Variants in KIAA1328 observed in about 807,000 individuals in gnomAD.
KIAA1328 encodes KIAA1328.
KIAA1328 carries 52 observed loss-of-function variants against 68.1 expected under a neutral mutation model. The ratio of observed to expected loss-of-function variants is 0.76; its 90% CI spans 0.61 to 0.96. The LOEUF (loss-of-function observed/expected upper bound fraction) is 0.96, where lower values mean the gene tolerates loss of function less well. Ranked by LOEUF, KIAA1328 falls within the 40% of genes least tolerant of loss-of-function variation. The pLI is 0.00. For missense variants in KIAA1328, 641 were observed against 677.6 expected (o/e 0.95, Z 0.60); for synonymous variants, 232 against 239.4 (o/e 0.97, Z 0.28).
intron 6 of KIAA1328, among the ~76,000 whole-genome samples, chr18:36,975,318 G>T (rs908351589): frequency 4.6e-5 from 7 of 151,004 alleles, no homozygotes; most frequent in African/African-American, 1.7e-4. Context: ...AAGTAGCTGG[G>T]ACTACAGGCG....
At chr18:37,189,575 T>C (rs16968622) in intron 9 of KIAA1328, among the ~76,000 whole-genome samples, 3,580 of 152,304 alleles carry the variant, frequency 0.024, 124 homozygotes, top group African/African-American at 0.08. Flanking sequence ...TATTACAAAC[T>C]ATTTCAAGTT....
intron 4 of KIAA1328, 140 bp from the exon 5 acceptor site, chr18:36,885,417 A>T: frequency 2.1e-6 from 1 of 470,700 alleles, no homozygotes; most frequent in South Asian, 5.9e-5. Flanking sequence ...TTTTTTAAAA[A>T]GCAACAACAA....
At chr18:37,039,331 G>T (rs2055151381) in intron 6 of KIAA1328, among the ~76,000 whole-genome samples, 1 of 151,574 alleles carries the variant, frequency 6.6e-6, no homozygotes, top group African/African-American at 2.4e-5. Context: ...GACATCTAGG[G>T]CTGAGTTTTT....
At chr18:36,950,088 A>G (rs1379356118) in intron 5 of KIAA1328, among the ~76,000 whole-genome samples, 1 of 152,138 alleles carries the variant, frequency 6.6e-6, no homozygotes, top group Non-Finnish European at 1.5e-5. Flanking sequence ...AGTTGCATAT[A>G]TTATCAATGA....
intron 6 of KIAA1328, among the ~76,000 whole-genome samples, chr18:36,961,658 T>C (rs1180705152): frequency 1.3e-5 from 2 of 152,164 alleles, no homozygotes; most frequent in Admixed American, 1.3e-4. Flanking sequence ...TGGGGGCCAA[T>C]CTTCAACATT....
In KIAA1328 at chr18:36,910,888, C is replaced by G. The variant is rs112529487; in HGVS notation, c.448+25216C>G. Among the ~76,000 whole-genome samples, 2 of 151,946 alleles carry G rather than the reference C, an allele frequency of 1.3e-5. 1 individual carries two copies. Among genetic ancestry groups the G allele is most frequent in the Non-Finnish European group, 2.9e-5 (2 of 67,982 alleles). On this transcript the variant is annotated intron_variant, in intron 5 of 9. Transcript: ENST00000280020. ...GCTTGCCCTCTTGCTTTTCTGTCAT[C>G]GTCATGAGAAATATACTCAGGAAAA...
chr18:37,129,128 A>T (rs1482132398), intron 7 of KIAA1328, among the ~76,000 whole-genome samples: 1 of 152,186 alleles, frequency 6.6e-6, no homozygotes, highest in Non-Finnish European at 1.5e-5. Context: ...TGAACTTTGT[A>T]TTTTAAAAGG....
chr18:36,835,194 A>G (rs761701673), intron 2 of KIAA1328, 40 bp from the exon 3 acceptor site: 15 of 1,586,178 alleles, frequency 9.5e-6, no homozygotes, highest in Non-Finnish European at 8.6e-7. Flanking sequence ...TTAAGATAAT[A>G]AGGTATAATT....
chr18:37,024,996 A>T (rs1419021502), intron 6 of KIAA1328, among the ~76,000 whole-genome samples: 1 of 152,144 alleles, frequency 6.6e-6, no homozygotes. Context: ...TCCCAGCAAC[A>T]GTGTAAAAGT....
chr18:36,947,135 G>C (rs536019166), intron 5 of KIAA1328, among the ~76,000 whole-genome samples: 27 of 152,268 alleles, frequency 1.8e-4, no homozygotes, highest in Admixed American at 1.1e-3. Flanking sequence ...CTGCACTCCA[G>C]CCTGGGCGAC....
At chr18:36,865,282 A>AT (rs376678423) in intron 4 of KIAA1328, among the ~76,000 whole-genome samples, 4 of 151,660 alleles carry the variant, frequency 2.6e-5, no homozygotes, top group African/African-American at 7.3e-5. Flanking sequence ...AATTCTATGT[A>AT]TTTTTTTATT....
At chr18:36,936,626 AC>A (rs1301272953) in intron 5 of KIAA1328, among the ~76,000 whole-genome samples, 1 of 152,196 alleles carries the variant, frequency 6.6e-6, no homozygotes, top group Admixed American at 6.5e-5. Flanking sequence ...TTGGATATAT[AC>A]CCAGTAATGG....
At chr18:37,229,683 G>T, downstream of KIAA1328, 1 of 480,390 alleles carries the variant, frequency 2.1e-6, no homozygotes, top group South Asian at 1.9e-5. Flanking sequence ...GACCATCCTG[G>T]CTAACACGGT....
At chr18:37,165,782 A>G (rs1599483608) in intron 8 of KIAA1328, among the ~76,000 whole-genome samples, 1 of 151,646 alleles carries the variant, frequency 6.6e-6, no homozygotes, top group Admixed American at 6.6e-5. Context: ...TAGTAGCAAC[A>G]GGGTTTCACC....
intron 5 of KIAA1328, among the ~76,000 whole-genome samples, chr18:36,891,870 AC>A (rs1294810558): frequency 3.9e-5 from 6 of 152,208 alleles, no homozygotes; most frequent in Non-Finnish European, 8.8e-5. Flanking sequence ...TAGTAATATT[AC>A]ATTAGTAAAT....
chr18:36,970,567 C>G (rs966141805), intron 6 of KIAA1328, among the ~76,000 whole-genome samples: 5 of 152,090 alleles, frequency 3.3e-5, no homozygotes, highest in Admixed American at 6.6e-5. Flanking sequence ...ATTGTCTGAG[C>G]CTAAAATCTC....
rs556557923 is a variant in KIAA1328, at chr18:37,104,876, G to A, written c.1232+37331G>A. On this transcript the variant is annotated intron_variant, in intron 7 of 9. Transcript: ENST00000280020. Reference sequence around the variant, plus strand: ...GAAACAGTATCATACACTATTGCTAGGAATGCAAATTACTAGAGCCATTTT... The same window carrying A: ...GAAACAGTATCATACACTATTGCTAAGAATGCAAATTACTAGAGCCATTTT... Among the ~76,000 whole-genome samples the A allele has an allele frequency of 1.0e-3, 155 of 152,182 alleles. 2 individuals carry two copies. Among genetic ancestry groups the A allele is most frequent in the African/African-American group, 3.7e-3 (153 of 41,530 alleles).
At chr18:36,845,697 AAT>A (rs1213817319) in intron 4 of KIAA1328, among the ~76,000 whole-genome samples, 1 of 151,852 alleles carries the variant, frequency 6.6e-6, no homozygotes, top group Admixed American at 6.6e-5. Context: ...ATATAAAATT[AAT>A]CAAGTCAGTG....
At chr18:37,204,379 A>G (rs1467615228) in intron 9 of KIAA1328, among the ~76,000 whole-genome samples, 1 of 152,244 alleles carries the variant, frequency 6.6e-6, no homozygotes, top group African/African-American at 2.4e-5. Context: ...ATTTGGGCTT[A>G]TTTATGAATG....
Sources: allele counts gnomAD v4.1 joint callset (sites outside exome capture counted in the v4.1 genomes callset), GRCh38; gene constraint gnomAD v4.1.1; transcripts MANE v1.5; gene names NCBI Gene and HGNC (gene_info 2026-07-23, HGNC 2026-07-21).